The following SYNDIG1 variants were observed in gnomAD, a reference collection of about 807,000 sequenced individuals.
SYNDIG1 encodes the protein synapse differentiation inducing 1.
A neutral mutation model predicts 19.4 loss-of-function variants in SYNDIG1; 9 were observed. That is an observed-to-expected ratio of 0.46 (90% confidence interval 0.28 to 0.81). The LOEUF is 0.81. SYNDIG1 is among the 30% of genes least tolerant of loss of function. SYNDIG1 has a pLI of 0.12. For synonymous variants in SYNDIG1, 141 were observed against 145.9 expected (o/e 0.97, Z 0.24); for missense variants, 311 against 343.3 (o/e 0.91, Z 0.74).
chr20:24,526,328 A>T (rs1249467406), intron 1 of SYNDIG1, among the ~76,000 whole-genome samples: 1 of 151,564 alleles, frequency 6.6e-6, no homozygotes, highest in Non-Finnish European at 1.5e-5. Context: ...TTGAGGTTTT[A>T]CTACTATTTT....
At chr20:24,516,056 T>C (rs1192806978) in intron 1 of SYNDIG1, among the ~76,000 whole-genome samples, 1 of 152,188 alleles carries the variant, frequency 6.6e-6, no homozygotes, top group Non-Finnish European at 1.5e-5. Flanking sequence ...CCATCTGATC[T>C]TTGACAAACC....
chr20:24,485,671 A>C (rs1416197948), intron 1 of SYNDIG1, among the ~76,000 whole-genome samples: 1 of 152,216 alleles, frequency 6.6e-6, no homozygotes, highest in African/African-American at 2.4e-5. Context: ...TGTGTATACA[A>C]CGTAGAAATG....
At chr20:24,596,756 C>T (rs1600711004) in intron 3 of SYNDIG1, 1 of 152,508 alleles carries the variant, frequency 6.6e-6, no homozygotes, top group African/African-American at 2.4e-5. Context: ...ACTTGGAGCC[C>T]TTCCCCTGCA....
intron 1 of SYNDIG1, among the ~76,000 whole-genome samples, chr20:24,494,343 A>G (rs2056239777): frequency 6.6e-6 from 1 of 152,202 alleles, no homozygotes; most frequent in Non-Finnish European, 1.5e-5. Context: ...AGAACCACAC[A>G]GCTAGAGGAG....
At chr20:24,624,131 G>A (rs1027280657) in intron 3 of SYNDIG1, among the ~76,000 whole-genome samples, 2 of 151,872 alleles carry the variant, frequency 1.3e-5, no homozygotes, top group African/African-American at 4.8e-5. Flanking sequence ...GTGTGGTGGT[G>A]GGTGCCTGTA....
intron 1 of SYNDIG1, among the ~76,000 whole-genome samples, chr20:24,512,660 CAA>C (rs2056775147): frequency 6.6e-6 from 1 of 152,166 alleles, no homozygotes; most frequent in South Asian, 2.1e-4. Flanking sequence ...GGGTGGAGCT[CAA>C]AGAGGCCTAC....
chr20:24,475,845 A>C (rs973855582), intron 1 of SYNDIG1, among the ~76,000 whole-genome samples: 1 of 151,874 alleles, frequency 6.6e-6, no homozygotes, highest in African/African-American at 2.4e-5. Flanking sequence ...ACTGTGAGCT[A>C]ATTAATGTGC....
intron 3 of SYNDIG1, among the ~76,000 whole-genome samples, chr20:24,600,543 C>T (rs1198710947): frequency 6.6e-6 from 1 of 151,574 alleles, no homozygotes; most frequent in Non-Finnish European, 1.5e-5. Context: ...TTTTCTTGCA[C>T]ATTTTTATTA....
At position 24,665,472 on chromosome 20, in the gene SYNDIG1, A is replaced by G. The variant is rs761751784; in HGVS notation, c.745A>G (p.Ile249Val). The stretch of plus-strand genomic sequence containing the variant: ...CTATGTGGGCGTGGCCGTGGCCCTC[A>G]TCGCCTACCTCTCCAAGAACAACCA... ...GVYVGVAVAL[I>V]AYLSKNNHL The change falls in exon 4 of 4, where the codon ATC becomes GTC. Residue 249 changes from isoleucine to valine, a missense_variant. Transcript: ENST00000376862. The G allele has an allele frequency of 6.2e-7, 1 of 1,613,996 alleles. No homozygotes were observed. The highest frequency in any genetic ancestry group is 2.2e-5 in the East Asian group (1 of 44,866).
intron 3 of SYNDIG1, among the ~76,000 whole-genome samples, chr20:24,600,112 CAT>C (rs1194945844): frequency 5.9e-5 from 9 of 152,162 alleles, no homozygotes; most frequent in Admixed American, 5.9e-4. Context: ...TAATTTCTTT[CAT>C]ATGTCTTCAC....
At chr20:24,546,340 A>AC (rs1259139871) in intron 2 of SYNDIG1, among the ~76,000 whole-genome samples, 3 of 151,674 alleles carry the variant, frequency 2.0e-5, no homozygotes, top group Non-Finnish European at 4.4e-5. Context: ...ATAACAAATC[A>AC]CCCCCAAAAC....
chr20:24,623,080 G>C (rs995550937), intron 3 of SYNDIG1, among the ~76,000 whole-genome samples: 1 of 152,018 alleles, frequency 6.6e-6, no homozygotes, highest in Non-Finnish European at 1.5e-5. Flanking sequence ...TCGGGAGACT[G>C]AGACAGGAGA....
chr20:24,569,939 G>A (rs1403286961), intron 2 of SYNDIG1, among the ~76,000 whole-genome samples: 1 of 152,198 alleles, frequency 6.6e-6, no homozygotes, highest in Non-Finnish European at 1.5e-5. Context: ...TGTTCTGTCT[G>A]TTGTATCTAT....
At chr20:24,516,630 A>G (rs927500496) in intron 1 of SYNDIG1, among the ~76,000 whole-genome samples, 2 of 152,220 alleles carry the variant, frequency 1.3e-5, no homozygotes, top group Non-Finnish European at 2.9e-5. Flanking sequence ...ACCATATCAC[A>G]CTAGTTAGAA....
Position 24,665,573 on chromosome 20 carries a change from G to T in SYNDIG1, c.*69G>T. 1 of 1,598,790 alleles carries T rather than the reference G, an allele frequency of 6.3e-7. No individual in the cohort carries two copies. The highest frequency in any genetic ancestry group is 8.5e-7 in the Non-Finnish European group (1 of 1,171,244). ...TGGACGTGGAGGAAGCAGGCATACCGCATGATGCTGTACAGTACAAATGAT... is the reference window on the plus strand; with the variant it reads ...TGGACGTGGAGGAAGCAGGCATACCTCATGATGCTGTACAGTACAAATGAT... On this transcript the variant is annotated 3_prime_UTR_variant, in exon 4 of 4. Transcript: ENST00000376862.
chr20:24,632,442 G>C (rs541630171), intron 3 of SYNDIG1, among the ~76,000 whole-genome samples: 3 of 152,020 alleles, frequency 2.0e-5, no homozygotes, highest in African/African-American at 7.2e-5. Flanking sequence ...GTTTCACCAC[G>C]TTGGCCAGGC....
chr20:24,482,113 T>C (rs1418911805), intron 1 of SYNDIG1, among the ~76,000 whole-genome samples: 1 of 152,106 alleles, frequency 6.6e-6, no homozygotes, highest in Non-Finnish European at 1.5e-5. Context: ...GCTCATGCCA[T>C]GGAGAAAAAG....
intron 3 of SYNDIG1, among the ~76,000 whole-genome samples, chr20:24,640,581 C>T (rs572165131): frequency 2.0e-5 from 3 of 151,062 alleles, no homozygotes; most frequent in East Asian, 3.9e-4. Flanking sequence ...ATCTAGTGGC[C>T]CCAGTGTGGG....
intron 1 of SYNDIG1, among the ~76,000 whole-genome samples, chr20:24,494,417 G>C (rs924346551): frequency 1.3e-5 from 2 of 152,196 alleles, no homozygotes; most frequent in African/African-American, 4.8e-5. Flanking sequence ...AGAGATCATC[G>C]AAGTGGGGCG....
Sources: allele counts gnomAD v4.1 joint callset (sites outside exome capture counted in the v4.1 genomes callset), GRCh38; gene constraint gnomAD v4.1.1; transcripts MANE v1.5; gene names NCBI Gene and HGNC (gene_info 2026-07-23, HGNC 2026-07-21).